WRAP53: variants seen among roughly 807,000 people sequenced by gnomAD.
WRAP53 encodes WD repeat containing antisense to TP53, also known as telomerase Cajal body protein 1.
In WRAP53, 28 loss-of-function variants were observed where a neutral mutation model predicts 56.6. The observed-to-expected ratio is 0.50, with a 90% CI of 0.37 to 0.68. The LOEUF (loss-of-function observed/expected upper bound fraction) is 0.68. WRAP53 is among the 30% of genes least tolerant of loss of function. WRAP53 has a pLI of 0.00. For missense variants in WRAP53, 671 were observed against 715.5 expected (o/e 0.94, Z 0.71); for synonymous variants, 283 against 283.4 (o/e 1.00, Z 0.01).
At position 7,688,820 on chromosome 17, in the gene WRAP53, G is replaced by A; in HGVS notation, c.172G>A (p.Val58Met). The change falls in exon 2 of 11, where the codon GTG (valine) becomes ATG (methionine). Residue 58 changes from valine (V) to methionine (M), a missense_variant. By Grantham distance (21) the Val-to-Met change is conservative. Coordinates refer to ENST00000396463, the MANE Select transcript of WRAP53 (RefSeq NM_001143992.2). ...TCCGCCCCGGTTGTCCCCAGATCCT[G>A]TGGCTGGCTCAGCTGTGTCCCAGGA... ...GDPPRLSPDP[V>M]AGSAVSQELR... 1 of 1,614,224 alleles carries A rather than the reference G, an allele frequency of 6.2e-7. No individual in the cohort carries two copies. The highest frequency in any genetic ancestry group is 8.5e-7 in the Non-Finnish European group (1 of 1,180,048).
chr17:7,701,806 C>G lies in WRAP53; in HGVS notation c.955+17C>G. 2 of 1,612,452 alleles carry G rather than the reference C, an allele frequency of 1.2e-6. No homozygotes were observed. Among genetic ancestry groups the G allele is most frequent in the Non-Finnish European group, 1.7e-6 (2 of 1,179,308 alleles). Reference sequence around the variant, plus strand: ...CCACATTTGGTAAGCATCTGTGCCTCCAAGGGAGGAGGAGAGGGAAGGGCA... The same window carrying G: ...CCACATTTGGTAAGCATCTGTGCCTGCAAGGGAGGAGGAGAGGGAAGGGCA... On this transcript the variant is annotated intron_variant, in intron 7 of 10. Transcript: ENST00000396463. The surrounding 1 kb of genome is among the most constrained non-coding windows in gnomAD (Gnocchi z 4.2).
intron 4 of WRAP53, among the ~76,000 whole-genome samples, chr17:7,693,588 G>A (rs994429600): frequency 2.0e-5 from 3 of 151,874 alleles, no homozygotes; most frequent in Non-Finnish European, 4.4e-5. Flanking sequence ...GCTTAGTGGC[G>A]GGCGCCTGTA....
chr17:7,698,591 G>T (rs1382771645), intron 4 of WRAP53, among the ~76,000 whole-genome samples: 6 of 151,960 alleles, frequency 3.9e-5, no homozygotes, highest in Non-Finnish European at 8.8e-5. Context: ...AAGATTAGCC[G>T]GGCAGGCTGG....
At chr17:7,700,476 T>A (rs2151095368) in intron 4 of WRAP53, among the ~76,000 whole-genome samples, 1 of 149,988 alleles carries the variant, frequency 6.7e-6, no homozygotes, top group Middle Eastern at 3.4e-3. Context: ...GGTGAAACCC[T>A]GTCTCTATTA....
rs756328444 is a variant in WRAP53, at chr17:7,700,782, T to C, written c.684T>C (p.Asp228=). 6.2e-7 allele frequency: 1 copy of C among 1,613,274 alleles called. No homozygotes were observed. The highest frequency in any genetic ancestry group is 1.1e-5 in the South Asian group (1 of 91,062). Reference sequence around the variant, plus strand: ...TGGTGGAAGGTGATACCATCTATGATTACTGCTGGTATTCTCTGATGTCCT... The same window carrying C: ...TGGTGGAAGGTGATACCATCTATGACTACTGCTGGTATTCTCTGATGTCCT... ...LRMVEGDTIY[D]YCWYSLMSSA... Residue 228 remains aspartate, a synonymous_variant, in exon 5 of 11, where the codon GAT becomes GAC. Coordinates refer to ENST00000396463, the MANE Select transcript of WRAP53 (RefSeq NM_001143992.2).
Position 7,702,716 on chromosome 17 carries a change from ACTC to A in WRAP53, c.1165-25_1165-23del, listed in dbSNP as rs775125866. ...AGGGACATCCAGGGCTTTGGGGGTG[ACTC>A]CAGGTCCTGTTCCTTGTCTCCAGGA... On this transcript the variant is annotated intron_variant, in intron 8 of 10. Coordinates refer to ENST00000396463, the MANE Select transcript of WRAP53 (RefSeq NM_001143992.2). The surrounding 1 kb of genome is among the most constrained non-coding windows in gnomAD (Gnocchi z 5.0). The A allele has an allele frequency of 1.2e-6, 2 of 1,611,028 alleles. No individual in the cohort carries two copies. The highest frequency in any genetic ancestry group is 4.5e-5 in the East Asian group (2 of 44,864).
chr17:7,699,522 T>TTTATATATATATATATATATATATATA (rs1429418083), intron 4 of WRAP53, among the ~76,000 whole-genome samples: 3 of 14,100 alleles, frequency 2.1e-4, no homozygotes, highest in African/African-American at 1.0e-3. Flanking sequence ...ATATATATAT[T>TTTATATATATATATATATATATATATA]TATATATATA....
At chr17:7,694,128 A>T (rs1263472167) in intron 4 of WRAP53, among the ~76,000 whole-genome samples, 1 of 152,204 alleles carries the variant, frequency 6.6e-6, no homozygotes, top group Non-Finnish European at 1.5e-5. Context: ...ACTAAAAAAG[A>T]TACAAAGTTA....
chr17:7,701,401 G>T lies in WRAP53; in HGVS notation c.732-58G>T, dbSNP rs746528647. 4 of 1,590,774 alleles carry T rather than the reference G, an allele frequency of 2.5e-6. No individual in the cohort carries two copies. Among genetic ancestry groups the T allele is most frequent in the Admixed American group, 3.3e-5 (2 of 59,996 alleles). ...ATTACAGGCATGAGCCACTGTGCCC[G>T]GCCATTCCTCCCCTTCCTTTGACAG... is the stretch of plus-strand genomic sequence containing the variant. On this transcript the variant is annotated intron_variant, in intron 5 of 10. Coordinates refer to ENST00000396463, the MANE Select transcript of WRAP53 (RefSeq NM_001143992.2). The surrounding 1 kb of genome is among the most constrained non-coding windows in gnomAD (Gnocchi z 4.2).
chr17:7,696,102 C>T (rs548833706), intron 4 of WRAP53, among the ~76,000 whole-genome samples: 3 of 151,976 alleles, frequency 2.0e-5, no homozygotes, highest in East Asian at 3.9e-4. Context: ...GTTAGGGAAG[C>T]GTTCCCAGAG....
At chr17:7,699,520 ATTT>A (rs2074244793) in intron 4 of WRAP53, among the ~76,000 whole-genome samples, 6 of 22,580 alleles carry the variant, frequency 2.7e-4, no homozygotes, top group African/African-American at 1.2e-3. Flanking sequence ...ATATATATAT[ATTT>A]ATATATATAT....
chr17:7,693,829 G>A (rs938569676), intron 4 of WRAP53, among the ~76,000 whole-genome samples: 2 of 152,234 alleles, frequency 1.3e-5, no homozygotes, highest in Non-Finnish European at 2.9e-5. Context: ...GCCAAGAATA[G>A]GAGGATGGTA....
At chr17:7,692,316 C>T (rs566950711) in intron 4 of WRAP53, among the ~76,000 whole-genome samples, 31 of 145,680 alleles carry the variant, frequency 2.1e-4, no homozygotes, top group South Asian at 2.2e-4. Flanking sequence ...CCTGTCTCTA[C>T]TCAAATACAA....
At chr17:7,692,746 C>CTTTTTTTTTTTT (rs1177019881) in intron 4 of WRAP53, among the ~76,000 whole-genome samples, 2 of 98,066 alleles carry the variant, frequency 2.0e-5, no homozygotes, top group African/African-American at 1.0e-4. Flanking sequence ...GGTCATTCTC[C>CTTTTTTTTTTTT]TTTTTTTTTT....
intron 3 of WRAP53, 53 bp from the exon 4 acceptor site, chr17:7,689,537 T>C: frequency 6.4e-7 from 1 of 1,564,108 alleles, no homozygotes; most frequent in Non-Finnish European, 8.8e-7. Flanking sequence ...GCCCTAGCCC[T>C]ACACTTGAAA....
Position 7,688,788 on chromosome 17 carries a change from G to T in WRAP53, c.140G>T (p.Arg47Met). Residue 47 changes from arginine to methionine, a missense_variant, in exon 2 of 11, where the codon AGG becomes ATG. By Grantham distance (91) the Arg-to-Met change is moderately conservative. Transcript: ENST00000396463. ...GAACTGATGCCACCGCCTCCCGAAA[G>T]GGGGGATCCGCCCCGGTTGTCCCCA... is the stretch of plus-strand genomic sequence containing the variant. ...DSELMPPPPE[R>M]GDPPRLSPDP... 6.2e-7 allele frequency: 1 copy of T among 1,614,178 alleles called. No individual in the cohort carries two copies. The highest frequency in any genetic ancestry group is 8.5e-7 in the Non-Finnish European group (1 of 1,180,034).
Position 7,701,657 on chromosome 17 carries a change from G to C in WRAP53, c.823G>C (p.Asp275His), listed in dbSNP as rs776090557. Residue 275 changes from aspartate to histidine, a missense_variant and splice_region_variant, in exon 7 of 11, where the codon GAT becomes CAT. By Grantham distance (81) the Asp-to-His change is moderately conservative (BLOSUM62 -1). Around this residue, in one of 3 missense-constraint regions of WRAP53, gnomAD observed 406 missense variants for 418.5 expected, o/e 0.97. Transcript: ENST00000396463. This position sits in a 1 kb window ranked among gnomAD's most constrained non-coding sequence, Gnocchi z 4.2. ...RASFRAYNHL[D>H]ELTAAHSLCF... ...GTTTTCAGCCCTTTCCTTCCCCCAG[G>C]ATGAGCTGACGGCAGCCCATTCGCT... 6.2e-7 allele frequency: 1 copy of C among 1,614,254 alleles called. No homozygotes were observed. Among genetic ancestry groups the C allele is most frequent in the Non-Finnish European group, 8.5e-7 (1 of 1,180,056 alleles).
chr17:7,689,297 GA>G lies in WRAP53; in HGVS notation c.506del (p.Glu169GlyfsTer4). 1 of 1,614,036 alleles carries G rather than the reference GA, an allele frequency of 6.2e-7. No homozygotes were observed. The highest frequency in any genetic ancestry group is 8.5e-7 in the Non-Finnish European group (1 of 1,180,006). ...GSWSEFSTQP[E>X]NFLKGCKWAP... The stretch of plus-strand genomic sequence containing the variant: ...CTGGTCAGAGTTCAGCACCCAACCT[GA>G]GAACTTCTTGAAAGGCTGTAAGTGG... On this transcript the variant is annotated frameshift_variant, in exon 3 of 11. Transcript: ENST00000396463. LOFTEE classifies it high-confidence loss of function.
intron 4 of WRAP53, among the ~76,000 whole-genome samples, chr17:7,698,782 C>T (rs2074219131): frequency 6.6e-6 from 1 of 152,038 alleles, no homozygotes; most frequent in African/African-American, 2.4e-5. Context: ...GAGGCTGAGG[C>T]AGAGAATTGC....
Sources: allele counts gnomAD v4.1 joint callset (sites outside exome capture counted in the v4.1 genomes callset), GRCh38; gene constraint gnomAD v4.1.1; regional missense constraint gnomAD v4.1.1; non-coding constraint Gnocchi (gnomAD v3.1); transcripts MANE v1.5; gene names NCBI Gene and HGNC (gene_info 2026-07-23, HGNC 2026-07-21).